Variants in CCDC18 observed in about 807,000 individuals in gnomAD.
The protein encoded by CCDC18 is coiled-coil domain-containing protein 18.
CCDC18 carries 157 observed loss-of-function variants against 196.0 expected under a neutral mutation model. That is an observed-to-expected ratio of 0.80 (90% CI 0.70 to 0.91). CCDC18 has a LOEUF of 0.91. CCDC18 is among the 40% of genes least tolerant of loss of function. The probability of loss-of-function intolerance (pLI) is 0.00; values close to 1 mark genes in which losing one functional copy is unlikely to be tolerated. For synonymous variants in CCDC18, 482 were observed against 529.2 expected (o/e 0.91, Z 1.22); for missense variants, 1,465 against 1,611.6 (o/e 0.91, Z 1.56).
At chr1:93,270,995 A>C in intron 28 of CCDC18, 181 bp downstream of exon 28, 1 of 983,728 alleles carries the variant, frequency 1.0e-6, no homozygotes, top group Non-Finnish European at 1.2e-6. Context: ...GCATGGTGTG[A>C]GACAATACGG....
rs759186009 is a variant in CCDC18, at chr1:93,234,934, A to AGTGTGTGT, written c.2461-1313_2461-1312insTGTGTGTG. ...AAGTGCATACCACCATGCCCAGCTA[A>AGTGTGTGT]GAGTGTGTGTGTGTGTGTGTGTGTG... is the stretch of plus-strand genomic sequence containing the variant. On this transcript the variant is annotated intron_variant, in intron 18 of 28. Coordinates refer to ENST00000690025, the MANE Select transcript of CCDC18 (RefSeq NM_001378204.1). Among the ~76,000 whole-genome samples, 623 of 67,856 alleles carry AGTGTGTGT rather than the reference A, an allele frequency of 9.2e-3. 12 individuals are homozygous for AGTGTGTGT. Among genetic ancestry groups the AGTGTGTGT allele is most frequent in the South Asian group, 0.032 (71 of 2,226 alleles). 44.5% of individuals were successfully genotyped at this position (67,856 alleles called of 152,430 possible). A position where few individuals can be genotyped will look rare whatever the true frequency, so the allele number is the denominator to read the frequency against.
chr1:93,258,616 G>T, intron 25 of CCDC18, 132 bp from the exon 26 acceptor site: 1 of 586,656 alleles, frequency 1.7e-6, no homozygotes, highest in Non-Finnish European at 2.7e-6. Context: ...ATACTATTTA[G>T]TAAGTTAACT....
intron 6 of CCDC18, among the ~76,000 whole-genome samples, chr1:93,196,747 A>C (rs1228906282): frequency 6.6e-6 from 1 of 152,230 alleles, no homozygotes; most frequent in Non-Finnish European, 1.5e-5. Flanking sequence ...TGAAATTGAC[A>C]TTCTTTCAAG....
chr1:93,240,690 T>A (rs1036408047), intron 21 of CCDC18, among the ~76,000 whole-genome samples: 2 of 152,180 alleles, frequency 1.3e-5, no homozygotes, highest in East Asian at 3.8e-4. Flanking sequence ...ATACTATGTG[T>A]CAGACACTTC....
upstream of CCDC18, chr1:93,180,652 G>A (rs765545685): frequency 3.8e-6 from 5 of 1,319,860 alleles, no homozygotes; most frequent in South Asian, 4.9e-5. Flanking sequence ...CCGCGCCTTC[G>A]GCGGCGCCTC....
rs568496071 is a variant in CCDC18 at position 93,180,972 on chromosome 1, G to A, written c.-3+120G>A. ...CCGGCACCTTGGATGCGCTGGGACTGGTCCTCGTGGTTGCTGAGCATGCTG... is the reference window on the plus strand; with the variant it reads ...CCGGCACCTTGGATGCGCTGGGACTAGTCCTCGTGGTTGCTGAGCATGCTG... On this transcript the variant is annotated intron_variant, in intron 1 of 28. Transcript: ENST00000690025. 1,986 of 956,648 alleles carry A rather than the reference G, an allele frequency of 2.1e-3. 3 individuals carry two copies. The highest frequency in any genetic ancestry group is 3.4e-3 in the Admixed American group (149 of 43,628). 59.3% of individuals were successfully genotyped at this position (956,648 alleles called of 1,614,324 possible).
In CCDC18 at chr1:93,186,450, T is replaced by G; in HGVS notation, c.409T>G (p.Leu137Val). 4.3e-6 allele frequency: 7 copies of G among 1,610,870 alleles called. No individual in the cohort carries two copies. Among genetic ancestry groups the G allele is most frequent in the Non-Finnish European group, 5.9e-6 (7 of 1,177,892 alleles). The change falls in exon 4 of 29, where the codon TTA becomes GTA. Residue 137 changes from leucine (L) to valine (V), a missense_variant. Transcript: ENST00000690025. The stretch of plus-strand genomic sequence containing the variant: ...TTGTTTGGTCACACAGAATCATTCC[T>G]TAATGACTAAATTTGAATCTATTCA... Reference protein sequence around the residue: ...NACLVTQNHSLMTKFESIHFE... With the variant: ...NACLVTQNHSVMTKFESIHFE...
At chr1:93,181,492 C>T (rs1192173926) in intron 1 of CCDC18, among the ~76,000 whole-genome samples, 1 of 152,070 alleles carries the variant, frequency 6.6e-6, no homozygotes, top group Non-Finnish European at 1.5e-5. Context: ...GTGAAGATAG[C>T]CTTTTTTGGG....
chr1:93,210,834 T>G lies in CCDC18; in HGVS notation c.1242T>G (p.Tyr414Ter), dbSNP rs200333973. ...GAGAATTATTTGGCTTTAAATCATA[T>G]CTTTCTAAATACCAGATGAGTAGCT... ...LKRELFGFKS[Y>*]LSKYQMSSFS... Residue 414 changes from tyrosine (Y) to a stop codon, truncating the protein, a stop_gained, in exon 10 of 29, where the codon TAT becomes TAG. Coordinates refer to ENST00000690025, the MANE Select transcript of CCDC18 (RefSeq NM_001378204.1). LOFTEE classifies it high-confidence loss of function. 57 of 1,605,544 alleles carry G rather than the reference T, an allele frequency of 3.6e-5. 1 individual carries two copies. The Admixed American group carries it at 3.7e-4, about 10-fold the overall frequency.
At chr1:93,231,415 T>A (rs1031131322) in intron 17 of CCDC18, among the ~76,000 whole-genome samples, 6 of 151,676 alleles carry the variant, frequency 4.0e-5, no homozygotes. Context: ...ATTTTTTAAC[T>A]TTATAAATTT....
At chr1:93,223,474 T>G (rs1245412105) in intron 16 of CCDC18, among the ~76,000 whole-genome samples, 2 of 152,164 alleles carry the variant, frequency 1.3e-5, no homozygotes, top group Admixed American at 6.5e-5. Context: ...TGACTTTTGT[T>G]CATGTCTCTC....
chr1:93,183,277 G>A (rs1191956717), intron 1 of CCDC18, 83 bp from the exon 2 acceptor site: 1 of 976,270 alleles, frequency 1.0e-6, no homozygotes, highest in East Asian at 2.7e-5. Context: ...AAACTAATGA[G>A]TTAAATTCTA....
chr1:93,277,594 C>G (rs7522737), intron 28 of CCDC18, among the ~76,000 whole-genome samples: 70 of 146,660 alleles, frequency 4.8e-4, no homozygotes, highest in Non-Finnish European at 8.0e-4. Context: ...ACACAGCACA[C>G]GTTTCAGAGA....
intron 8 of CCDC18, 73 bp downstream of exon 8, chr1:93,205,704 AT>A: frequency 7.5e-7 from 1 of 1,336,618 alleles, no homozygotes; most frequent in Non-Finnish European, 1.0e-6. Flanking sequence ...AAAACACAAT[AT>A]TTTATTGTTG....
At chr1:93,180,507 T>C (rs575219424), upstream of CCDC18, 34 of 1,533,840 alleles carry the variant, frequency 2.2e-5, no homozygotes, top group East Asian at 8.7e-4. Context: ...CGCCCGCCTC[T>C]CCCCCTGACG....
At chr1:93,224,632 C>A (rs1557653083) in intron 16 of CCDC18, among the ~76,000 whole-genome samples, 1 of 152,114 alleles carries the variant, frequency 6.6e-6, no homozygotes, top group Non-Finnish European at 1.5e-5. Flanking sequence ...TTGATGACTG[C>A]CAGATCTCAT....
At chr1:93,199,354 C>T (rs1429577737) in intron 6 of CCDC18, among the ~76,000 whole-genome samples, 4 of 152,340 alleles carry the variant, frequency 2.6e-5, no homozygotes, top group South Asian at 2.1e-4. Context: ...CCAGCACGGG[C>T]GCCAGCTCCC....
In CCDC18 at chr1:93,232,592, A is replaced by G; in HGVS notation, c.2459A>G (p.Gln820Arg). 6.3e-7 allele frequency: 1 copy of G among 1,575,790 alleles called. No homozygotes were observed. The highest frequency in any genetic ancestry group is 8.6e-7 in the Non-Finnish European group (1 of 1,156,524). The change falls in exon 18 of 29, where the codon CAG (glutamine) becomes CGG (arginine). Residue 820 changes from glutamine to arginine, a missense_variant and splice_region_variant. Coordinates refer to ENST00000690025, the MANE Select transcript of CCDC18 (RefSeq NM_001378204.1). ...GATACTCAAACTAAACTTGAAAAAC[A>G]GGTATATATTATTAGCCCAAGATTG... Reference protein sequence around the residue: ...LEDTQTKLEKQVSKLEQELQK... With the variant: ...LEDTQTKLEKRVSKLEQELQK...
At position 93,180,734 on chromosome 1, in the gene CCDC18, C is replaced by G. The variant is rs1649440966; in HGVS notation, c.-121C>G. On this transcript the variant is annotated 5_prime_UTR_variant, in exon 1 of 29. Coordinates refer to ENST00000690025, the MANE Select transcript of CCDC18 (RefSeq NM_001378204.1). ...AACGGCTCCCGCGGCGGTTCGAATT[C>G]TGTGCTGCCGGGGTTCGCTGGTTCT... 7.3e-7 allele frequency: 1 copy of G among 1,365,472 alleles called. No individual in the cohort carries two copies. The highest frequency in any genetic ancestry group is 1.5e-5 in the African/African-American group (1 of 67,604). The allele number at this position is 1,365,472 out of a possible 1,614,324, so 84.6% of individuals were successfully genotyped here. A position where few individuals can be genotyped will look rare whatever the true frequency, so the allele number is the denominator to read the frequency against.
Sources: gnomAD v4.1 joint callset for allele counts (sites outside exome capture counted in the v4.1 genomes callset) on GRCh38, gnomAD v4.1.1 for gene constraint, MANE v1.5 for transcripts, NCBI Gene and HGNC (gene_info 2026-07-23, HGNC 2026-07-21) for gene names.